Variants in DLC1 observed in about 807,000 individuals in gnomAD.
DLC1 encodes the protein rho GTPase-activating protein 7.
DLC1 carries 54 observed loss-of-function variants against 140.3 expected under a neutral mutation model. That is an observed-to-expected ratio of 0.38 (90% CI 0.31 to 0.48). The LOEUF (loss-of-function observed/expected upper bound fraction) is 0.48, where lower values mean the gene tolerates loss of function less well. Among genes scored for constraint, DLC1 ranks in the 20% least tolerant of loss-of-function variants. DLC1 has a pLI of 0.96. For synonymous variants in DLC1, 986 were observed against 728.1 expected (o/e 1.35, Z -5.70); for missense variants, 2,536 against 1,907.0 (o/e 1.33, Z -6.14).
chr8:13,353,266 C>T (rs1433615876), intron 4 of DLC1: 1 of 152,126 alleles, frequency 6.6e-6, no homozygotes, highest in Non-Finnish European at 1.5e-5. Flanking sequence ...AGTTTTAGAT[C>T]ATCTAAAGAT....
chr8:13,281,486 G>A (rs1365492423), intron 5 of DLC1, among the ~76,000 whole-genome samples: 1 of 152,186 alleles, frequency 6.6e-6, no homozygotes, highest in African/African-American at 2.4e-5. Flanking sequence ...TACGCATATA[G>A]TTCTTTAAAT....
intron 4 of DLC1, among the ~76,000 whole-genome samples, chr8:13,307,733 C>G (rs1398703156): frequency 6.6e-6 from 1 of 152,114 alleles, no homozygotes; most frequent in Non-Finnish European, 1.5e-5. Context: ...TTGTGTATGA[C>G]CCAGTTTTAA....
Position 13,540,764 on chromosome 8 carries a change from A to T in DLC1, c.-125-40568T>A, listed in dbSNP as rs374460710. 4.6e-5 allele frequency among the ~76,000 whole-genome samples: 7 copies of T among 152,222 alleles called. No individual in the cohort carries two copies. The East Asian group carries it at 1.2e-3, about 25-fold the overall frequency. ...TGGTCACTGAAGCCTTCGACATGGC[A>T]ATCACTCATCTGGGGATTTGTTCAA... On this transcript the variant is annotated intron_variant, in intron 1 of 1. Coordinates refer to the DLC1 transcript ENST00000631382.
At chr8:13,247,622 T>A (rs978223875) in intron 5 of DLC1, among the ~76,000 whole-genome samples, 1 of 152,176 alleles carries the variant, frequency 6.6e-6, no homozygotes, top group Non-Finnish European at 1.5e-5. Context: ...CAGGTTTATC[T>A]CCAAGATCCA....
chr8:13,198,665 A>T (rs1418112409), intron 5 of DLC1, among the ~76,000 whole-genome samples: 2 of 151,822 alleles, frequency 1.3e-5, no homozygotes, highest in Non-Finnish European at 2.9e-5. Flanking sequence ...TGCTTTGTGT[A>T]AACAACTTCT....
Position 13,087,233 on chromosome 8 carries a change from C to T in DLC1, c.4293-770G>A, listed in dbSNP as rs141195618. Among the ~76,000 whole-genome samples, 316 of 152,312 alleles carry T rather than the reference C, an allele frequency of 2.1e-3. 1 individual carries two copies. The highest frequency in any genetic ancestry group is 7.4e-3 in the African/African-American group (307 of 41,574). On this transcript the variant is annotated intron_variant, in intron 16 of 17. Coordinates refer to ENST00000276297, the MANE Select transcript of DLC1 (RefSeq NM_182643.3). ...CCTGGACAATATGGTGACACCATGT[C>T]TCTACCAGAAACAAAAAAATTAGCC...
At chr8:13,510,297 C>T (rs139370313) in intron 1 of DLC1, among the ~76,000 whole-genome samples, 97 of 151,926 alleles carry the variant, frequency 6.4e-4, no homozygotes, top group African/African-American at 1.8e-3. Flanking sequence ...CCTCAGCCTC[C>T]TGAGCAGCTG....
chr8:13,210,836 G>A (rs1049307181), intron 5 of DLC1, among the ~76,000 whole-genome samples: 9 of 152,074 alleles, frequency 5.9e-5, no homozygotes, highest in African/African-American at 1.4e-4. Flanking sequence ...TATTCTTGCC[G>A]CTTTTAAGTC....
rs1449301266 is a variant in DLC1, at chr8:13,572,751, G to C, written c.-126+31786C>G. 2.0e-5 allele frequency among the ~76,000 whole-genome samples: 3 copies of C among 152,084 alleles called. No individual in the cohort carries two copies. The South Asian group carries it at 6.2e-4, about 32-fold the overall frequency. On this transcript the variant is annotated intron_variant, in intron 1 of 1. Transcript: ENST00000631382. Reference sequence around the variant, plus strand: ...TGAAGATTCTGTTCTTTCCCCCATTGAATGGTCTTAGCACCCTTGTGAAAA... The same window carrying C: ...TGAAGATTCTGTTCTTTCCCCCATTCAATGGTCTTAGCACCCTTGTGAAAA...
chr8:13,552,762 G>A (rs1803910084), intron 1 of DLC1, among the ~76,000 whole-genome samples: 1 of 151,622 alleles, frequency 6.6e-6, no homozygotes, highest in African/African-American at 2.4e-5. Context: ...ACTGAACTTT[G>A]TATTTTTTTA....
chr8:13,507,274 T>C (rs780002347), intron 1 of DLC1, among the ~76,000 whole-genome samples: 4 of 152,212 alleles, frequency 2.6e-5, no homozygotes, highest in Non-Finnish European at 5.9e-5. Context: ...TGACTTGACA[T>C]ATGCTTAGAA....
chr8:13,492,547 A>C (rs1801305905), intron 2 of DLC1, among the ~76,000 whole-genome samples: 1 of 42,696 alleles, frequency 2.3e-5, no homozygotes, highest in African/African-American at 5.5e-5. Context: ...CTCTCTCACT[A>C]CTCTCTCCTC....
At chr8:13,369,956 C>T (rs372623802) in intron 4 of DLC1, among the ~76,000 whole-genome samples, 56 of 151,388 alleles carry the variant, frequency 3.7e-4, no homozygotes, top group African/African-American at 1.3e-3. Flanking sequence ...GTCAAAGTCC[C>T]TACAAGGCCT....
intron 1 of DLC1, among the ~76,000 whole-genome samples, chr8:13,534,879 T>C (rs1171597957): frequency 6.6e-6 from 1 of 152,182 alleles, no homozygotes; most frequent in African/African-American, 2.4e-5. Context: ...ATCTGAGAGA[T>C]GTTTTGCTGA....
At chr8:13,431,541 A>T (rs1001186451) in intron 2 of DLC1, among the ~76,000 whole-genome samples, 5 of 149,824 alleles carry the variant, frequency 3.3e-5, no homozygotes, top group Non-Finnish European at 4.4e-5. Context: ...TTGATGTCAC[A>T]ACTCTGTCTC....
At chr8:13,571,936 C>G (rs80073694) in intron 1 of DLC1, among the ~76,000 whole-genome samples, 1 of 152,062 alleles carries the variant, frequency 6.6e-6, no homozygotes, top group African/African-American at 2.4e-5. Flanking sequence ...TGTACTTTGA[C>G]TTATAATTTC....
At chr8:13,510,474 AC>A (rs563103396) in intron 1 of DLC1, among the ~76,000 whole-genome samples, 323 of 152,268 alleles carry the variant, frequency 2.1e-3, no homozygotes, top group Non-Finnish European at 2.6e-3. Flanking sequence ...GCCTTTTTAA[AC>A]AAGGACTTGT....
At chr8:13,223,492 G>C (rs1288608389) in intron 5 of DLC1, among the ~76,000 whole-genome samples, 2 of 152,036 alleles carry the variant, frequency 1.3e-5, no homozygotes, top group African/African-American at 4.8e-5. Context: ...AAAAACCCTA[G>C]AAGAAAAATT....
chr8:13,152,002 C>G (rs1823854700), intron 5 of DLC1, among the ~76,000 whole-genome samples: 1 of 152,136 alleles, frequency 6.6e-6, no homozygotes. Context: ...TGTGTTCTAT[C>G]TATTGCTGTG....
Sources: allele counts gnomAD v4.1 joint callset (sites outside exome capture counted in the v4.1 genomes callset), GRCh38; gene constraint gnomAD v4.1.1; transcripts MANE v1.5; gene names NCBI Gene and HGNC (gene_info 2026-07-23, HGNC 2026-07-21).